ECPAS: variants seen among roughly 807,000 people sequenced by gnomAD.
The protein encoded by ECPAS is Ecm29 proteasome adaptor and scaffold, also known as proteasome adapter and scaffold protein ECM29.
ECPAS carries 70 observed loss-of-function variants against 255.1 expected under a neutral mutation model. The observed-to-expected ratio is 0.27, with a 90% CI of 0.23 to 0.33. The LOEUF (loss-of-function observed/expected upper bound fraction) is 0.33, where lower values mean the gene tolerates loss of function less well. Ranked by LOEUF, ECPAS falls within the 10% of genes least tolerant of loss-of-function variation. The pLI, the probability that ECPAS is intolerant of heterozygous loss-of-function variation, is 1.00. For synonymous variants in ECPAS, 784 were observed against 775.0 expected (o/e 1.01, Z -0.19); for missense variants, 1,817 against 2,206.4 (o/e 0.82, Z 3.54).
chr9:111,386,794 A>G (rs963890885), intron 31 of ECPAS, among the ~76,000 whole-genome samples: 1 of 152,200 alleles, frequency 6.6e-6, no homozygotes, highest in Non-Finnish European at 1.5e-5. Flanking sequence ...TCCTTGGCAC[A>G]TGCCACCTCT....
chr9:111,460,899 C>T (rs1400300450), intron 2 of ECPAS, among the ~76,000 whole-genome samples: 1 of 152,140 alleles, frequency 6.6e-6, no homozygotes, highest in Non-Finnish European at 1.5e-5. Context: ...CATCAGATAA[C>T]TTGGGTAACA....
chr9:111,425,665 G>A (rs2098220481), intron 11 of ECPAS, 78 bp downstream of exon 11: 4 of 999,960 alleles, frequency 4.0e-6, no homozygotes, highest in East Asian at 2.5e-5. Context: ...TAGGTAAGAT[G>A]AGTAAAACGA....
rs1480882391 is a variant in ECPAS, at chr9:111,391,798, G to C, written c.3119C>G (p.Thr1040Arg). ...KRVKHEVSGETVVFQGGALGK... is the reference protein window; with the variant it reads ...KRVKHEVSGERVVFQGGALGK... ...AAGAGCTCCCCCTTGAAATACCACTGTCTCTCCAGAAACTTCATGTTTAAC... is the reference window on the plus strand; with the variant it reads ...AAGAGCTCCCCCTTGAAATACCACTCTCTCTCCAGAAACTTCATGTTTAAC... Residue 1040 changes from threonine to arginine, a missense_variant, in exon 29 of 50, where the codon ACA becomes AGA. This residue lies in a region of ECPAS where 960 missense variants were observed against 1,179.0 expected (regional missense o/e 0.81). Transcript: ENST00000684092. 6 of 1,608,546 alleles carry C rather than the reference G, an allele frequency of 3.7e-6. No individual in the cohort carries two copies. Among genetic ancestry groups the C allele is most frequent in the Admixed American group, 1.7e-5 (1 of 59,628 alleles).
intron 2 of ECPAS, among the ~76,000 whole-genome samples, chr9:111,458,320 A>G (rs996048095): frequency 6.6e-6 from 1 of 152,240 alleles, no homozygotes; most frequent in African/African-American, 2.4e-5. Flanking sequence ...ATAATGTTAT[A>G]TACGGCTATC....
rs1324885712 is a variant in ECPAS at position 111,369,090 on chromosome 9, C to A, written c.5058G>T (p.Leu1686=). 2 of 1,605,372 alleles carry A rather than the reference C, an allele frequency of 1.2e-6. No individual in the cohort carries two copies. The highest frequency in any genetic ancestry group is 2.2e-5 in the South Asian group (2 of 89,568). Residue 1686 remains leucine (L), a synonymous_variant, in exon 46 of 50, where the codon CTG becomes CTT. Transcript: ENST00000684092. ...EKEKELQLEY[L]LGAFESLGKA... ...TGCCCAGGCTTTCAAAGGCACCCAG[C>A]AGATATTCCAGCTGGAGCTCCTTTT...
In ECPAS at chr9:111,412,019, T is replaced by A; in HGVS notation, c.2209A>T (p.Asn737Tyr). The A allele has an allele frequency of 1.3e-6, 2 of 1,552,208 alleles. No homozygotes were observed. The highest frequency in any genetic ancestry group is 1.7e-6 in the Non-Finnish European group (2 of 1,159,224). The change falls in exon 21 of 50, where the codon AAT becomes TAT. Residue 737 changes from asparagine to tyrosine, a missense_variant. Asn to Tyr is a moderately radical substitution (Grantham distance 143). Transcript: ENST00000684092. ...ATGAAAACAAAATAACATACGTGAT[T>A]GTCTTTTGTAGTCTTTATAAGCTGT... The part of the protein sequence containing the change: ...IEQLIKTTKD[N>Y]HSPEIQHGSL...
chr9:111,473,555 T>C (rs912144488), intron 1 of ECPAS, among the ~76,000 whole-genome samples: 12 of 152,202 alleles, frequency 7.9e-5, no homozygotes, highest in African/African-American at 2.9e-4. Context: ...GTGAACAATA[T>C]GCCCATTCCC....
intron 30 of ECPAS, 130 bp downstream of exon 30, chr9:111,389,854 T>C (rs2098156625): frequency 3.4e-6 from 4 of 1,174,176 alleles, no homozygotes; most frequent in South Asian, 1.5e-5. Flanking sequence ...ACAGCATTTG[T>C]GGGGTTCAGC....
chr9:111,411,844 AG>A (rs1373823940), intron 21 of ECPAS, 169 bp downstream of exon 21: 10 of 554,646 alleles, frequency 1.8e-5, no homozygotes, highest in Non-Finnish European at 3.0e-5. Flanking sequence ...GTATCTGTTA[AG>A]TGAGCTGACT....
chr9:111,463,109 A>G (rs1029843826), intron 2 of ECPAS, among the ~76,000 whole-genome samples: 2 of 152,176 alleles, frequency 1.3e-5, no homozygotes, highest in African/African-American at 4.8e-5. Flanking sequence ...CCATGGCTTA[A>G]AAACAACCAA....
intron 29 of ECPAS, among the ~76,000 whole-genome samples, chr9:111,391,189 C>T (rs73656239): frequency 0.056 from 8,476 of 152,208 alleles, 573 homozygotes; most frequent in African/African-American, 0.15. Context: ...CCTATCCTGC[C>T]TCCTCATCCC....
rs144534470 is a variant in ECPAS, at chr9:111,421,200, T to C, written c.1455+721A>G. ...GTATATAATAGCACATTTAACCCTGTCATATTTTAATAGGAAGCAGATACC... is the reference window on the plus strand; with the variant it reads ...GTATATAATAGCACATTTAACCCTGCCATATTTTAATAGGAAGCAGATACC... On this transcript the variant is annotated intron_variant, in intron 15 of 49. Transcript: ENST00000684092. Among the ~76,000 whole-genome samples the C allele has an allele frequency of 2.9e-3, 444 of 152,290 alleles. 3 individuals are homozygous for C. The highest frequency in any genetic ancestry group is 0.01 in the African/African-American group (434 of 41,566).
intron 2 of ECPAS, among the ~76,000 whole-genome samples, chr9:111,462,929 A>G (rs2098274935): frequency 6.6e-6 from 1 of 151,928 alleles, no homozygotes; most frequent in South Asian, 2.1e-4. Flanking sequence ...TTTTGTAGAG[A>G]TGCAGTTTCG....
At chr9:111,433,207 T>C (rs2098232658) in intron 8 of ECPAS, 26 bp downstream of exon 8, 3 of 1,604,056 alleles carry the variant, frequency 1.9e-6, no homozygotes, top group Non-Finnish European at 8.5e-7. Flanking sequence ...CCTTTCAATC[T>C]TGAAAGTTTA....
rs71372622 is a variant in ECPAS at position 111,421,409 on chromosome 9, ATGTGTGTGTGTG to A, written c.1455+500_1455+511del. 6.7e-3 allele frequency among the ~76,000 whole-genome samples: 959 copies of A among 143,422 alleles called. 7 individuals carry two copies. Among genetic ancestry groups the A allele is most frequent in the African/African-American group, 0.012 (470 of 38,944 alleles). 94.1% of individuals were successfully genotyped at this position (143,422 alleles called of 152,430 possible). ...CAAATATATATTACATATTACATAT[ATGTGTGTGTGTG>A]TGTGTGTGTGTGTGTGTGTGTGTGT... On this transcript the variant is annotated intron_variant, in intron 15 of 49. Transcript: ENST00000684092.
At chr9:111,362,486 G>A (rs750185618) in intron 49 of ECPAS, among the ~76,000 whole-genome samples, 2 of 151,734 alleles carry the variant, frequency 1.3e-5, no homozygotes, top group Non-Finnish European at 2.9e-5. Context: ...TCAGGGCAAG[G>A]CACACTGCAG....
Position 111,428,076 on chromosome 9 carries a change from C to A in ECPAS, c.1016G>T (p.Arg339Ile), listed in dbSNP as rs757478375. 1 of 1,613,586 alleles carries A rather than the reference C, an allele frequency of 6.2e-7. No homozygotes were observed. The highest frequency in any genetic ancestry group is 1.7e-5 in the Admixed American group (1 of 59,958). Residue 339 changes from arginine (R) to isoleucine (I), a missense_variant, in exon 10 of 50, where the codon AGA becomes ATA. Coordinates refer to ENST00000684092, the MANE Select transcript of ECPAS (RefSeq NM_001364929.1). ...GGCTGGGAACGTTTCAGCAGCTTGT[C>A]TAGAGCGGAGGAGATGGGGGACAAT... ...LKIVPHLLRS[R>I]QAAETFPANI...
intron 38 of ECPAS, 32 bp downstream of exon 38, chr9:111,375,081 T>A: frequency 8.1e-6 from 12 of 1,481,194 alleles, no homozygotes; most frequent in Non-Finnish European, 1.1e-5. Flanking sequence ...CTAATGAAGA[T>A]GCACATTTCC....
chr9:111,418,853 T>G (rs1012331337), intron 16 of ECPAS, among the ~76,000 whole-genome samples: 21 of 152,054 alleles, frequency 1.4e-4, no homozygotes, highest in African/African-American at 4.8e-4. Context: ...CTGGCCTTGG[T>G]TGGGAAACTA....
Sources: gnomAD v4.1 joint callset for allele counts (sites outside exome capture counted in the v4.1 genomes callset) on GRCh38, gnomAD v4.1.1 for gene constraint, gnomAD v4.1.1 regional missense constraint, MANE v1.5 for transcripts, NCBI Gene and HGNC (gene_info 2026-07-23, HGNC 2026-07-21) for gene names.